The following CDC42BPA variants were observed in gnomAD, a reference collection of about 807,000 sequenced individuals.
CDC42BPA encodes CDC42 binding protein kinase alpha.
A neutral mutation model predicts 223.5 loss-of-function variants in CDC42BPA; 80 were observed. The observed-to-expected ratio is 0.36, with a 90% CI of 0.30 to 0.43. The LOEUF (loss-of-function observed/expected upper bound fraction) is 0.43, where lower values mean the gene tolerates loss of function less well. Among genes scored for constraint, CDC42BPA ranks in the 20% least tolerant of loss-of-function variants. The pLI is 1.00. For synonymous variants in CDC42BPA, 694 were observed against 718.6 expected (o/e 0.97, Z 0.55); for missense variants, 1,743 against 2,099.9 (o/e 0.83, Z 3.32).
chr1:227,185,277 T>C (rs1668573168), intron 5 of CDC42BPA, among the ~76,000 whole-genome samples: 2 of 152,132 alleles, frequency 1.3e-5, no homozygotes, highest in Admixed American at 1.3e-4. Context: ...GCAGCTCTTA[T>C]CTAGAATGAA....
At chr1:227,241,810 T>C (rs1680068848) in intron 2 of CDC42BPA, among the ~76,000 whole-genome samples, 1 of 152,144 alleles carries the variant, frequency 6.6e-6, no homozygotes, top group South Asian at 2.1e-4. Flanking sequence ...AAAATTTTCC[T>C]CAGAAGATCT....
intron 1 of CDC42BPA, among the ~76,000 whole-genome samples, chr1:227,315,134 T>C (rs1694157581): frequency 6.6e-6 from 1 of 152,040 alleles, no homozygotes; most frequent in African/African-American, 2.4e-5. Flanking sequence ...CCTGACAGCC[T>C]TTTCCATTCT....
chr1:227,300,394 T>G (rs1285430002), intron 1 of CDC42BPA, among the ~76,000 whole-genome samples: 2 of 152,142 alleles, frequency 1.3e-5, no homozygotes, highest in Non-Finnish European at 2.9e-5. Flanking sequence ...AATTCACAAT[T>G]GTAAAGATAT....
intron 5 of CDC42BPA, among the ~76,000 whole-genome samples, chr1:227,192,388 C>T (rs1013132992): frequency 6.6e-6 from 1 of 152,322 alleles, no homozygotes; most frequent in Admixed American, 6.5e-5. Flanking sequence ...CCCAGCCCGA[C>T]CCAACCCACT....
intron 1 of CDC42BPA, among the ~76,000 whole-genome samples, chr1:227,301,657 C>T (rs943312339): frequency 2.0e-5 from 3 of 152,062 alleles, no homozygotes; most frequent in Admixed American, 6.6e-5. Context: ...TGTGCCCAGC[C>T]GGATTTAGAC....
chr1:227,237,003 A>C (rs1260116081), intron 2 of CDC42BPA, among the ~76,000 whole-genome samples: 1 of 137,464 alleles, frequency 7.3e-6, no homozygotes, highest in Non-Finnish European at 1.5e-5. Flanking sequence ...TAATTGTGCC[A>C]CTGCACTCCA....
intron 1 of CDC42BPA, among the ~76,000 whole-genome samples, chr1:227,292,847 T>C (rs1057022348): frequency 2.0e-5 from 3 of 152,200 alleles, no homozygotes; most frequent in Non-Finnish European, 2.9e-5. Context: ...CTTTGGCCCA[T>C]ATTTCTCTCT....
chr1:227,067,940 G>A (rs937859524), intron 21 of CDC42BPA, among the ~76,000 whole-genome samples: 3 of 152,048 alleles, frequency 2.0e-5, no homozygotes, highest in African/African-American at 7.2e-5. Context: ...AAGAATTACT[G>A]TGCATTTAAT....
chr1:227,030,549 T>G, intron 28 of CDC42BPA, 79 bp from the exon 29 acceptor site: 1 of 840,198 alleles, frequency 1.2e-6, no homozygotes, highest in East Asian at 2.6e-5. Flanking sequence ...ATAAGAACAT[T>G]TGGTGCAAAA....
intron 1 of CDC42BPA, among the ~76,000 whole-genome samples, chr1:227,311,321 A>C (rs572698331): frequency 1.3e-5 from 2 of 152,158 alleles, no homozygotes; most frequent in Non-Finnish European, 2.9e-5. Flanking sequence ...ATGGTCTCTC[A>C]TAACAATTAT....
intron 1 of CDC42BPA, among the ~76,000 whole-genome samples, chr1:227,290,755 T>C (rs1434886385): frequency 6.6e-6 from 1 of 152,180 alleles, no homozygotes; most frequent in Non-Finnish European, 1.5e-5. Context: ...TAATGCATCC[T>C]TTCCTCTCTT....
intron 5 of CDC42BPA, among the ~76,000 whole-genome samples, chr1:227,168,510 T>G (rs796338209): frequency 9.1e-6 from 1 of 109,724 alleles, no homozygotes. Flanking sequence ...TTTTTTTTTT[T>G]TTTGAGGCAG....
chr1:227,031,352 C>T lies in CDC42BPA; in HGVS notation c.3721G>A (p.Ala1241Thr). The change falls in exon 28 of 37, where the codon GCT becomes ACT. Residue 1241 changes from alanine (A) to threonine (T), a missense_variant. Transcript: ENST00000366766. ...ATGAGGGGTAGAGTGCTGTCATAAG[C>T]CTCTTTGGGAACATAGACTGAGCGG... is the stretch of plus-strand genomic sequence containing the variant. ...RDRSVYVPKE[A>T]YDSTLPLIKT... 1 of 1,613,974 alleles carries T rather than the reference C, an allele frequency of 6.2e-7. No homozygotes were observed. Among genetic ancestry groups the T allele is most frequent in the East Asian group, 2.2e-5 (1 of 44,864 alleles).
At chr1:227,221,907 A>AT (rs1277287759) in intron 2 of CDC42BPA, among the ~76,000 whole-genome samples, 2 of 151,898 alleles carry the variant, frequency 1.3e-5, no homozygotes, top group East Asian at 3.9e-4. Context: ...GCCTTTTGGT[A>AT]TAAAAACTGG....
At chr1:227,224,120 T>A (rs889109205) in intron 2 of CDC42BPA, among the ~76,000 whole-genome samples, 1 of 152,250 alleles carries the variant, frequency 6.6e-6, no homozygotes. Flanking sequence ...ATTTATTTTA[T>A]GAAGTTTTTG....
chr1:227,017,458 AG>A (rs1249086230), intron 32 of CDC42BPA, among the ~76,000 whole-genome samples: 3 of 93,570 alleles, frequency 3.2e-5, no homozygotes, highest in Non-Finnish European at 7.5e-5. Context: ...AACAGTAATC[AG>A]GCATAAATGG....
At chr1:227,198,386 A>T (rs1671097376) in intron 4 of CDC42BPA, among the ~76,000 whole-genome samples, 1 of 149,758 alleles carries the variant, frequency 6.7e-6, no homozygotes, top group Non-Finnish European at 1.5e-5. Flanking sequence ...TGAGCCCAGG[A>T]ATCAGATACA....
Position 227,294,633 on chromosome 1 carries a change from G to A in CDC42BPA, c.178+22372C>T, listed in dbSNP as rs1690308711. 2.7e-5 allele frequency among the ~76,000 whole-genome samples: 2 copies of A among 73,232 alleles called. 1 individual carries two copies. The highest frequency in any genetic ancestry group is 2.9e-4 in the Admixed American group (2 of 6,812). The allele number at this position is 73,232 out of a possible 152,430, so 48.0% of individuals were successfully genotyped here. A position where few individuals can be genotyped will look rare whatever the true frequency, so the allele number is the denominator to read the frequency against. ...CCCAGCACTTTGGGAGGCCGAGGCG[G>A]GCGGATCACGAGGTCAGGAGATCGA... On this transcript the variant is annotated intron_variant, in intron 1 of 36. Transcript: ENST00000366766.
rs954450034 is a variant in CDC42BPA, at chr1:227,004,770, T to G, written c.4975+224A>C. On this transcript the variant is annotated intron_variant, in intron 35 of 36. Transcript: ENST00000366766. ...ATCACAATTTGTAATCATATTTGTC[T>G]GTCTCCCAGATGGCCTGTACACTCT... The G allele has an allele frequency of 7.7e-4, 474 of 615,768 alleles. 3 individuals carry two copies. Among genetic ancestry groups the G allele is most frequent in the Middle Eastern group, 4.6e-4 (1 of 2,172 alleles). The allele number at this position is 615,768 out of a possible 1,614,324, so 38.1% of individuals were successfully genotyped here.
Sources: gnomAD v4.1 joint callset for allele counts (sites outside exome capture counted in the v4.1 genomes callset) on GRCh38, gnomAD v4.1.1 for gene constraint, MANE v1.5 for transcripts, NCBI Gene and HGNC (gene_info 2026-07-23, HGNC 2026-07-21) for gene names.